Variants in ZNF383 observed in about 807,000 individuals in gnomAD.
ZNF383 encodes the protein zinc finger protein 383.
ZNF383 carries 32 observed loss-of-function variants against 44.2 expected under a neutral mutation model. The ratio of observed to expected loss-of-function variants is 0.72; its 90% CI spans 0.55 to 0.97. ZNF383 has a LOEUF of 0.97. Among genes scored for constraint, ZNF383 ranks in the 50% least tolerant of loss-of-function variants. The pLI is 0.00. For synonymous variants in ZNF383, 155 were observed against 186.2 expected, an observed-to-expected ratio of 0.83 and a Z score of 1.36; for missense variants, 487 against 562.5, an observed-to-expected ratio of 0.87 and a Z score of 1.36.
At chr19:37,229,055 G>A (rs545629737) in intron 2 of ZNF383, among the ~76,000 whole-genome samples, 1 of 151,784 alleles carries the variant, frequency 6.6e-6, no homozygotes, top group African/African-American at 2.4e-5. Flanking sequence ...GTTGGCTAAT[G>A]GGATCCCCTT....
chr19:37,226,723 T>G (rs1033189819), intron 2 of ZNF383: 1 of 152,210 alleles, frequency 6.6e-6, no homozygotes, highest in African/African-American at 2.4e-5. Flanking sequence ...TAAGTTCATT[T>G]ATTGGACAAG....
At chr19:37,234,458 G>A (rs1973667587) in intron 3 of ZNF383, among the ~76,000 whole-genome samples, 2 of 152,014 alleles carry the variant, frequency 1.3e-5, no homozygotes, top group South Asian at 2.1e-4. Context: ...GCGCGATCTC[G>A]GCTCAGTGCA....
At chr19:37,222,894 G>A (rs1972992675) in intron 1 of ZNF383, among the ~76,000 whole-genome samples, 1 of 152,162 alleles carries the variant, frequency 6.6e-6, no homozygotes, top group Admixed American at 6.5e-5. Context: ...TTCTGAAATA[G>A]TGGTATCAAT....
intron 3 of ZNF383, among the ~76,000 whole-genome samples, chr19:37,233,764 T>G (rs554628716): frequency 1.7e-4 from 26 of 152,190 alleles, no homozygotes; most frequent in Non-Finnish European, 3.8e-4. Context: ...AATGTCCTAA[T>G]AGGGCTTTGG....
At chr19:37,229,786 G>GTATA (rs386365554) in intron 2 of ZNF383, among the ~76,000 whole-genome samples, 38 of 91,144 alleles carry the variant, frequency 4.2e-4, no homozygotes, top group South Asian at 1.5e-3. Context: ...ATATGTGTGT[G>GTATA]TATATATATA....
rs1974380326 is a variant in ZNF383 at position 37,246,551 on chromosome 19, A to G, written c.*2887A>G. ...TTTGGGAGGCCAAGGTGGGTGGATC[A>G]CTTGAGGTCAGGAGCTCGAGACCAG... On this transcript the variant is annotated 3_prime_UTR_variant, in exon 6 of 6. Coordinates refer to ENST00000684119, the MANE Select transcript of ZNF383 (RefSeq NM_001387601.1). 6.6e-6 allele frequency: 1 copy of G among 152,224 alleles called. No homozygotes were observed. The highest frequency in any genetic ancestry group is 2.1e-4 in the South Asian group (1 of 4,818). 9.4% of individuals were successfully genotyped at this position (152,224 alleles called of 1,614,324 possible). A position where few individuals can be genotyped will look rare whatever the true frequency, so the allele number is the denominator to read the frequency against.
At position 37,246,857 on chromosome 19, in the gene ZNF383, G is replaced by T. The variant is rs532419787; in HGVS notation, c.*3193G>T. ...AATATGATGAGTAGTAGAAAGCACA[G>T]CTGTCAAAAAAGCAGGAAGAGATTA... On this transcript the variant is annotated 3_prime_UTR_variant, in exon 6 of 6. Transcript: ENST00000684119. 6.6e-6 allele frequency: 1 copy of T among 152,098 alleles called. No homozygotes were observed. Among genetic ancestry groups the T allele is most frequent in the South Asian group, 2.1e-4 (1 of 4,826 alleles). The allele number at this position is 152,098 out of a possible 1,614,324, so 9.4% of individuals were successfully genotyped here. A position where few individuals can be genotyped will look rare whatever the true frequency, so the allele number is the denominator to read the frequency against.
In ZNF383 at chr19:37,229,953, G is replaced by T. The variant is rs79542398; in HGVS notation, c.-45-456G>T. The stretch of plus-strand genomic sequence containing the variant: ...GAAACAAAAAGACTTGATTAGGGAA[G>T]TCTTTGGTCTTTCTGATCTGAGTGC... On this transcript the variant is annotated intron_variant, in intron 2 of 5. Transcript: ENST00000684119. 8.2e-3 allele frequency among the ~76,000 whole-genome samples: 1,252 copies of T among 151,848 alleles called. 7 individuals carry two copies. Among genetic ancestry groups the T allele is most frequent in the Non-Finnish European group, 0.014 (943 of 67,956 alleles).
At chr19:37,228,099 CT>C (rs1334377116) in intron 2 of ZNF383, among the ~76,000 whole-genome samples, 1 of 152,150 alleles carries the variant, frequency 6.6e-6, no homozygotes, top group Non-Finnish European at 1.5e-5. Flanking sequence ...AGGGAGACTC[CT>C]TTTCCCGGTC....
intron 2 of ZNF383, among the ~76,000 whole-genome samples, chr19:37,225,646 C>T (rs913489603): frequency 2.0e-5 from 3 of 151,970 alleles, no homozygotes; most frequent in Non-Finnish European, 2.9e-5. Flanking sequence ...AGTCACAATA[C>T]CCCAAGATAG....
rs1974262095 is a variant in ZNF383, at chr19:37,243,891, T to G, written c.*227T>G. Reference sequence around the variant, plus strand: ...TCTTTCATTCATTGTTTTGTTCTACTTTCTTGGTGACACATTATACTCATG... The same window carrying G: ...TCTTTCATTCATTGTTTTGTTCTACGTTCTTGGTGACACATTATACTCATG... On this transcript the variant is annotated 3_prime_UTR_variant, in exon 6 of 6. Coordinates refer to ENST00000684119, the MANE Select transcript of ZNF383 (RefSeq NM_001387601.1). 1 of 411,896 alleles carries G rather than the reference T, an allele frequency of 2.4e-6. No individual in the cohort carries two copies. The highest frequency in any genetic ancestry group is 4.3e-6 in the Non-Finnish European group (1 of 234,122). 25.5% of individuals were successfully genotyped at this position (411,896 alleles called of 1,614,324 possible). A position where few individuals can be genotyped will look rare whatever the true frequency, so the allele number is the denominator to read the frequency against.
chr19:37,237,698 T>C (rs577600635), intron 5 of ZNF383, among the ~76,000 whole-genome samples: 2 of 152,230 alleles, frequency 1.3e-5, no homozygotes, highest in East Asian at 3.9e-4. Flanking sequence ...CAAGGCACTG[T>C]CATCTGATGA....
intron 2 of ZNF383, among the ~76,000 whole-genome samples, chr19:37,228,506 G>T (rs1161655834): frequency 6.6e-6 from 1 of 151,506 alleles, no homozygotes; most frequent in Non-Finnish European, 1.5e-5. Context: ...TGTGCCCTTG[G>T]TCTCTTCCCT....
intron 1 of ZNF383, among the ~76,000 whole-genome samples, chr19:37,223,701 A>C (rs958455093): frequency 6.6e-6 from 1 of 152,138 alleles, no homozygotes; most frequent in Non-Finnish European, 1.5e-5. Flanking sequence ...AAAGCTGAAT[A>C]TGAGGAAAAT....
intron 1 of ZNF383, among the ~76,000 whole-genome samples, chr19:37,220,122 A>G (rs1248514746): frequency 6.6e-6 from 1 of 152,254 alleles, no homozygotes; most frequent in African/African-American, 2.4e-5. Context: ...TAAGTTTCCT[A>G]TGCACATATA....
Position 37,242,568 on chromosome 19 carries a change from G to A in ZNF383, c.332G>A (p.Gly111Asp), listed in dbSNP as rs1480137320. The change falls in exon 6 of 6, where the codon GGC (glycine) becomes GAC (aspartate). Residue 111 changes from glycine (G) to aspartate (D), a missense_variant. Transcript: ENST00000684119. ...GAGATAATGGGACTTACAAAGCATG[G>A]CCTTGAGTACTCCAGTTTTGGAGAT... The part of the protein sequence containing the change: ...QREIMGLTKH[G>D]LEYSSFGDVL... The A allele has an allele frequency of 6.2e-7, 1 of 1,613,950 alleles. No homozygotes were observed. Among genetic ancestry groups the A allele is most frequent in the South Asian group, 1.1e-5 (1 of 91,076 alleles).
intron 1 of ZNF383, among the ~76,000 whole-genome samples, chr19:37,219,988 C>T (rs561959666): frequency 2.6e-5 from 4 of 152,198 alleles, no homozygotes; most frequent in African/African-American, 9.6e-5. Context: ...CACACACTCT[C>T]CCCTCCTCTG....
chr19:37,232,345 G>T (rs1366177335), intron 3 of ZNF383, among the ~76,000 whole-genome samples: 3 of 152,116 alleles, frequency 2.0e-5, no homozygotes, highest in African/African-American at 7.2e-5. Flanking sequence ...TGGGATTACA[G>T]GTGTGAGCCA....
Position 37,242,784 on chromosome 19 carries a change from C to T in ZNF383, c.548C>T (p.Ser183Leu). ...KKCGKAFSQN[S>L]QFIQHQRIHI... is the part of the protein sequence containing the mutation. The stretch of plus-strand genomic sequence containing the variant: ...TGTGGAAAGGCCTTTAGTCAGAACT[C>T]ACAATTTATTCAACATCAGAGAATT... The change falls in exon 6 of 6, where the codon TCA becomes TTA. Residue 183 changes from serine (S) to leucine (L), a missense_variant. Transcript: ENST00000684119. The T allele has an allele frequency of 6.2e-7, 1 of 1,614,142 alleles. No individual in the cohort carries two copies. The highest frequency in any genetic ancestry group is 8.5e-7 in the Non-Finnish European group (1 of 1,180,006).
Sources: gnomAD v4.1 joint callset for allele counts (sites outside exome capture counted in the v4.1 genomes callset) on GRCh38, gnomAD v4.1.1 for gene constraint, MANE v1.5 for transcripts, NCBI Gene and HGNC (gene_info 2026-07-23, HGNC 2026-07-21) for gene names.